Variants in UGGT1 observed in about 807,000 individuals in gnomAD.
UGGT1 encodes UDP-glucose:glycoprotein glucosyltransferase 1.
In UGGT1, 107 loss-of-function variants were observed where a neutral mutation model predicts 203.9. The observed-to-expected ratio is 0.52, with a 90% CI of 0.45 to 0.62. The LOEUF is 0.62. UGGT1 is among the 20% of genes least tolerant of loss of function. The pLI, the probability that UGGT1 is intolerant of heterozygous loss-of-function variation, is 0.00. For synonymous variants in UGGT1, 628 were observed against 653.5 expected, an observed-to-expected ratio of 0.96 and a Z score of 0.59; for missense variants, 1,673 against 1,867.2, an observed-to-expected ratio of 0.90 and a Z score of 1.92.
In UGGT1 at chr2:128,095,907, G is replaced by A. The variant is rs575003921; in HGVS notation, c.59-1522G>A. Among the ~76,000 whole-genome samples the A allele has an allele frequency of 9.8e-5, 15 of 152,310 alleles. No homozygotes were observed. In the South Asian group the frequency reaches 3.1e-3, roughly 32 times the overall value. On this transcript the variant is annotated intron_variant, in intron 1 of 40. Coordinates refer to ENST00000259253, the MANE Select transcript of UGGT1 (RefSeq NM_020120.4). ...AACCAATATTAAAGAACTGGGATGA[G>A]ACCGAAGTGAGCCTTACCAGAGCTA...
chr2:128,118,974 T>G (rs1688253562), intron 8 of UGGT1, among the ~76,000 whole-genome samples: 1 of 152,072 alleles, frequency 6.6e-6, no homozygotes, highest in African/African-American at 2.4e-5. Context: ...CTGGCCTCAT[T>G]TTTGGTATTT....
chr2:128,099,140 A>G (rs957198283), intron 2 of UGGT1, among the ~76,000 whole-genome samples: 1 of 151,912 alleles, frequency 6.6e-6, no homozygotes, highest in African/African-American at 2.4e-5. Flanking sequence ...ATTTATATAT[A>G]TATATTTTTT....
intron 11 of UGGT1, among the ~76,000 whole-genome samples, chr2:128,124,778 T>C (rs1392705887): frequency 6.6e-6 from 1 of 152,128 alleles, no homozygotes; most frequent in East Asian, 1.9e-4. Context: ...AGGGGTTTTT[T>C]TTGTTCTTTT....
chr2:128,168,007 C>T (rs1460709549), intron 26 of UGGT1, among the ~76,000 whole-genome samples: 1 of 152,110 alleles, frequency 6.6e-6, no homozygotes, highest in African/African-American at 2.4e-5. Context: ...CTCTCTGGTT[C>T]CCTTGTGAGC....
At chr2:128,163,451 C>T (rs1417155644) in intron 25 of UGGT1, among the ~76,000 whole-genome samples, 1 of 148,664 alleles carries the variant, frequency 6.7e-6, no homozygotes, top group Non-Finnish European at 1.5e-5. Context: ...CGTGGTGGCT[C>T]ACACCTGTAA....
intron 5 of UGGT1, among the ~76,000 whole-genome samples, chr2:128,112,454 TTATATATA>T (rs59726004): frequency 9.0e-5 from 5 of 55,812 alleles, no homozygotes; most frequent in African/African-American, 2.6e-4. Context: ...AAATACTATG[TTATATATA>T]TATATATATA....
At chr2:128,167,458 A>G (rs957230372) in intron 26 of UGGT1, among the ~76,000 whole-genome samples, 1 of 152,152 alleles carries the variant, frequency 6.6e-6, no homozygotes, top group Non-Finnish European at 1.5e-5. Flanking sequence ...TCTTGCCCTC[A>G]AAGTGTGGTC....
chr2:128,182,351 G>T, intron 37 of UGGT1, 61 bp downstream of exon 37: 1 of 1,535,704 alleles, frequency 6.5e-7, no homozygotes. Context: ...GATTTTGTGT[G>T]GTTAAAATTG....
At chr2:128,123,043 T>A (rs976924899) in intron 10 of UGGT1, 143 bp from the exon 11 acceptor site, 1 of 553,032 alleles carries the variant, frequency 1.8e-6, no homozygotes, top group Non-Finnish European at 3.1e-6. Flanking sequence ...AGAAATATAT[T>A]TATCAATTAT....
intron 26 of UGGT1, among the ~76,000 whole-genome samples, chr2:128,169,663 ACT>A (rs1690993802): frequency 6.6e-6 from 1 of 152,194 alleles, no homozygotes; most frequent in African/African-American, 2.4e-5. Context: ...GCTGGAGTAA[ACT>A]CTGACAGCTT....
At chr2:128,091,438 G>A (rs764850034) in intron 1 of UGGT1, 23 bp downstream of exon 1, 3 of 1,571,006 alleles carry the variant, frequency 1.9e-6, no homozygotes, top group Non-Finnish European at 2.6e-6. Flanking sequence ...GGCGTGAGGA[G>A]GCCTCGTGGA....
At chr2:128,120,813 T>A (rs1462947436) in intron 9 of UGGT1, among the ~76,000 whole-genome samples, 4 of 152,246 alleles carry the variant, frequency 2.6e-5, no homozygotes, top group Non-Finnish European at 5.9e-5. Flanking sequence ...GTATGTGTTT[T>A]TCTCTGTTCC....
chr2:128,138,655 A>G (rs1159321777), intron 15 of UGGT1, 62 bp from the exon 16 acceptor site: 1 of 1,573,456 alleles, frequency 6.4e-7, no homozygotes, highest in African/African-American at 1.4e-5. Flanking sequence ...CAAGGATGTC[A>G]TTCTTTTTAA....
chr2:128,180,862 T>C (rs1448830368), intron 35 of UGGT1, 28 bp from the exon 36 acceptor site: 1 of 1,596,912 alleles, frequency 6.3e-7, no homozygotes, highest in East Asian at 2.2e-5. Flanking sequence ...AAGAAATGAT[T>C]ATTTGTTGTT....
rs578084234 is a variant in UGGT1 at position 128,165,809 on chromosome 2, T to C, written c.2921+984T>C. On this transcript the variant is annotated intron_variant, in intron 26 of 40. Transcript: ENST00000259253. ...CAGGGTTTCATTCTGTCATCTGGGC[T>C]AGAATGCAGTAGCGTGATCTCAGCT... Among the ~76,000 whole-genome samples the C allele has an allele frequency of 1.1e-4, 16 of 152,212 alleles. 1 individual carries two copies. Among genetic ancestry groups the C allele is most frequent in the Middle Eastern group, 3.4e-3 (1 of 292 alleles).
In UGGT1 at chr2:128,172,660, GC is replaced by G; in HGVS notation, c.3194del (p.Pro1065LeufsTer8). On this transcript the variant is annotated frameshift_variant, in exon 29 of 41. Coordinates refer to ENST00000259253, the MANE Select transcript of UGGT1 (RefSeq NM_020120.4). LOFTEE classifies it high-confidence loss of function. ...GTCCAATCGCAAAATTTTTGGATAT[GC>G]CTCAGTCTCCACTGTTCACTCTGAA... ...KGPIAKFLDMPQSPLFTLNLN... is the reference protein window; with the variant it reads ...KGPIAKFLDMXQSPLFTLNLN... 6.2e-7 allele frequency: 1 copy of G among 1,614,122 alleles called. No homozygotes were observed. Among genetic ancestry groups the G allele is most frequent in the Non-Finnish European group, 8.5e-7 (1 of 1,180,012 alleles).
intron 31 of UGGT1, among the ~76,000 whole-genome samples, chr2:128,175,988 A>G (rs929081055): frequency 1.3e-5 from 2 of 152,284 alleles, no homozygotes; most frequent in African/African-American, 2.4e-5. Flanking sequence ...GTCTGCCTGC[A>G]AATAGAATTT....
At chr2:128,106,819 G>T (rs1687626709) in intron 3 of UGGT1, among the ~76,000 whole-genome samples, 1 of 151,920 alleles carries the variant, frequency 6.6e-6, no homozygotes, top group Non-Finnish European at 1.5e-5. Context: ...CAAAGTGCTG[G>T]GATTACAGGC....
At chr2:128,104,076 T>C in intron 3 of UGGT1, 62 bp downstream of exon 3, 1 of 1,353,978 alleles carries the variant, frequency 7.4e-7, no homozygotes, top group Non-Finnish European at 1.0e-6. Flanking sequence ...GAAAAAATTG[T>C]CTCTTTATAG....
Sources: allele counts gnomAD v4.1 joint callset (sites outside exome capture counted in the v4.1 genomes callset), GRCh38; gene constraint gnomAD v4.1.1; transcripts MANE v1.5; gene names NCBI Gene and HGNC (gene_info 2026-07-23, HGNC 2026-07-21).